DNER: variants seen among roughly 807,000 people sequenced by gnomAD.
DNER encodes delta and Notch-like epidermal growth factor-related receptor.
A neutral mutation model predicts 78.2 loss-of-function variants in DNER; 33 were observed. That is an observed-to-expected ratio of 0.42 (90% CI 0.32 to 0.56). The LOEUF is 0.56. DNER is among the 20% of genes least tolerant of loss of function. DNER has a pLI of 0.11. For missense variants in DNER, 918 were observed against 975.3 expected, an observed-to-expected ratio of 0.94 and a Z score of 0.78; for synonymous variants, 417 against 384.8, an observed-to-expected ratio of 1.08 and a Z score of -0.98.
At chr2:229,551,524 C>T (rs368114608) in intron 4 of DNER, among the ~76,000 whole-genome samples, 6 of 152,106 alleles carry the variant, frequency 3.9e-5, no homozygotes, top group Admixed American at 3.9e-4. Context: ...ATCCCAGCTA[C>T]GTGGGAGGCT....
chr2:229,593,983 GACC>G (rs1697657503), intron 1 of DNER, among the ~76,000 whole-genome samples: 1 of 152,154 alleles, frequency 6.6e-6, no homozygotes, highest in Non-Finnish European at 1.5e-5. Context: ...CTAAGGCAAG[GACC>G]ACCCATCTGG....
intron 1 of DNER, among the ~76,000 whole-genome samples, chr2:229,695,518 A>T (rs1217455924): frequency 6.6e-6 from 1 of 151,054 alleles, no homozygotes; most frequent in Non-Finnish European, 1.5e-5. Flanking sequence ...GTGGAGAGTC[A>T]GCAAAGTCTA....
chr2:229,454,867 T>C (rs1170307551), intron 7 of DNER, among the ~76,000 whole-genome samples: 2 of 152,168 alleles, frequency 1.3e-5, no homozygotes, highest in Non-Finnish European at 2.9e-5. Context: ...TGGTATATTA[T>C]ACAGTCTAAA....
chr2:229,513,521 G>A (rs189410866), intron 5 of DNER, among the ~76,000 whole-genome samples: 13 of 152,320 alleles, frequency 8.5e-5, no homozygotes, highest in Non-Finnish European at 1.5e-4. Flanking sequence ...CATTATCTTA[G>A]TAAAAGACCA....
chr2:229,599,595 C>T (rs1178113258), intron 1 of DNER, among the ~76,000 whole-genome samples: 1 of 152,174 alleles, frequency 6.6e-6, no homozygotes, highest in African/African-American at 2.4e-5. Flanking sequence ...TGATTGAGAC[C>T]ACTGCCTTAA....
intron 12 of DNER, among the ~76,000 whole-genome samples, chr2:229,359,953 AT>A (rs1329806884): frequency 1.3e-5 from 2 of 152,248 alleles, no homozygotes; most frequent in African/African-American, 4.8e-5. Context: ...TTACTGCAAT[AT>A]GACAAAAGAC....
At chr2:229,582,512 GAT>G (rs1559173249) in intron 4 of DNER, among the ~76,000 whole-genome samples, 2 of 151,296 alleles carry the variant, frequency 1.3e-5, no homozygotes, top group East Asian at 1.9e-4. Context: ...AATTTAGAAA[GAT>G]ATCAAATTTT....
intron 5 of DNER, among the ~76,000 whole-genome samples, chr2:229,516,942 C>T (rs1290659834): frequency 7.2e-6 from 1 of 139,566 alleles, no homozygotes; most frequent in Non-Finnish European, 1.6e-5. Context: ...CCCGTCTCTA[C>T]TAAAAATACA....
At chr2:229,621,346 A>G (rs1698248151) in intron 1 of DNER, among the ~76,000 whole-genome samples, 1 of 152,188 alleles carries the variant, frequency 6.6e-6, no homozygotes, top group Admixed American at 6.5e-5. Context: ...AGAAAAGTCC[A>G]CTGGATTCTC....
chr2:229,692,997 A>T (rs1180897026), intron 1 of DNER, among the ~76,000 whole-genome samples: 2 of 152,052 alleles, frequency 1.3e-5, no homozygotes, highest in African/African-American at 4.8e-5. Context: ...GCCACCAAGA[A>T]CCTCTGTGCA....
chr2:229,653,321 G>T (rs1698852987), intron 1 of DNER, among the ~76,000 whole-genome samples: 2 of 152,186 alleles, frequency 1.3e-5, no homozygotes, highest in Non-Finnish European at 2.9e-5. Context: ...AGTAGGAAAG[G>T]CATTGTCTCT....
intron 1 of DNER, among the ~76,000 whole-genome samples, chr2:229,683,557 G>A (rs1010408023): frequency 9.2e-5 from 14 of 152,220 alleles, no homozygotes; most frequent in African/African-American, 3.4e-4. Flanking sequence ...AGAAAGGAAA[G>A]AAAACAAAAT....
intron 1 of DNER, among the ~76,000 whole-genome samples, chr2:229,652,621 T>C (rs1698839923): frequency 6.6e-6 from 1 of 152,192 alleles, no homozygotes; most frequent in Non-Finnish European, 1.5e-5. Context: ...TCTCCCCCAG[T>C]GTCCACCCTA....
At chr2:229,582,122 C>T (rs986796352) in intron 4 of DNER, among the ~76,000 whole-genome samples, 18 of 152,324 alleles carry the variant, frequency 1.2e-4, no homozygotes, top group African/African-American at 3.8e-4. Context: ...GTTAAATGAA[C>T]GCCACTGTAC....
chr2:229,699,722 C>A (rs532251620), intron 1 of DNER, among the ~76,000 whole-genome samples: 4 of 152,214 alleles, frequency 2.6e-5, no homozygotes, highest in Non-Finnish European at 4.4e-5. Context: ...AAATCTTGGA[C>A]AAAATAGAAT....
At chr2:229,531,264 C>T (rs572499627) in intron 5 of DNER, among the ~76,000 whole-genome samples, 5 of 152,156 alleles carry the variant, frequency 3.3e-5, no homozygotes, top group African/African-American at 9.7e-5. Flanking sequence ...ATCAACTCAA[C>T]GAAGTGACGT....
chr2:229,705,993 A>C (rs539052854), intron 1 of DNER, among the ~76,000 whole-genome samples: 9 of 152,156 alleles, frequency 5.9e-5, no homozygotes, highest in Non-Finnish European at 1.3e-4. Context: ...AAAAGTTCAG[A>C]TCTATCCAGG....
chr2:229,391,259 A>G (rs1194984902), intron 10 of DNER, among the ~76,000 whole-genome samples: 2 of 152,198 alleles, frequency 1.3e-5, no homozygotes, highest in Admixed American at 1.3e-4. Flanking sequence ...TCCATTCTCA[A>G]TCAATATTCG....
At chr2:229,618,754 G>A (rs943509831) in intron 1 of DNER, among the ~76,000 whole-genome samples, 15 of 152,156 alleles carry the variant, frequency 9.9e-5, no homozygotes, top group Admixed American at 5.9e-4. Context: ...TTCAGTAACT[G>A]TTATATAAGC....
Sources: allele counts gnomAD v4.1 joint callset (sites outside exome capture counted in the v4.1 genomes callset), GRCh38; gene constraint gnomAD v4.1.1; transcripts MANE v1.5; gene names NCBI Gene and HGNC (gene_info 2026-07-23, HGNC 2026-07-21).